PLAGL2: variants seen among roughly 807,000 people sequenced by gnomAD.
PLAGL2 encodes the protein PLAG1 like zinc finger 2.
PLAGL2 carries 7 observed loss-of-function variants against 29.0 expected under a neutral mutation model. That is an observed-to-expected ratio of 0.24 (90% CI 0.14 to 0.45). The LOEUF is 0.45. Among genes scored for constraint, PLAGL2 ranks in the 20% least tolerant of loss-of-function variants. The pLI is 0.99. For synonymous variants in PLAGL2, 234 were observed against 266.0 expected, an observed-to-expected ratio of 0.88 and a Z score of 1.17; for missense variants, 454 against 648.2, an observed-to-expected ratio of 0.70 and a Z score of 3.25.
In PLAGL2 at chr20:32,196,707, C is replaced by G; in HGVS notation, c.1236G>C (p.Val412=). Reference sequence around the variant, plus strand: ...GAAAGCCCAGTAGGTGGGAGAAGTCCACATTAGCAGCGCAGAGGGCCTCAG... The same window carrying G: ...GAAAGCCCAGTAGGTGGGAGAAGTCGACATTAGCAGCGCAGAGGGCCTCAG... ...NLSEALCAAN[V]DFSHLLGFLP... The change falls in exon 3 of 3, where the codon GTG becomes GTC. Residue 412 remains valine, a synonymous_variant. Coordinates refer to ENST00000246229, the MANE Select transcript of PLAGL2 (RefSeq NM_002657.3). The G allele has an allele frequency of 6.4e-7, 1 of 1,563,280 alleles. No individual in the cohort carries two copies. The highest frequency in any genetic ancestry group is 8.7e-7 in the Non-Finnish European group (1 of 1,154,296).
intron 1 of PLAGL2, 112 bp from the exon 2 acceptor site, chr20:32,202,404 C>CTT: frequency 1.8e-6 from 1 of 567,182 alleles, no homozygotes; most frequent in Non-Finnish European, 3.1e-6. Flanking sequence ...AGCTGTGTGA[C>CTT]TTTCAGCCAA....
chr20:32,206,365 A>T (rs1381375072), intron 1 of PLAGL2, among the ~76,000 whole-genome samples: 1 of 152,016 alleles, frequency 6.6e-6, no homozygotes, highest in Non-Finnish European at 1.5e-5. Flanking sequence ...CAGGGGTTGG[A>T]TTTACTCTCA....
In PLAGL2 at chr20:32,202,329, T is replaced by C. The variant is rs1446671003; in HGVS notation, c.-114-37A>G. ...GAACACCTGGTGTTAGGGAGCCCAA[T>C]ACCATGAGAACATGGGCTCTGGAAG... is the stretch of plus-strand genomic sequence containing the variant. On this transcript the variant is annotated intron_variant, in intron 1 of 2. Transcript: ENST00000246229. 7.2e-6 allele frequency: 5 copies of C among 693,826 alleles called. No homozygotes were observed. In the Admixed American group the frequency reaches 1.1e-4, roughly 16 times the overall value. 43.0% of individuals were successfully genotyped at this position (693,826 alleles called of 1,614,324 possible).
intron 1 of PLAGL2, among the ~76,000 whole-genome samples, chr20:32,205,370 C>T (rs543964177): frequency 5.3e-5 from 8 of 152,166 alleles, no homozygotes; most frequent in Non-Finnish European, 1.2e-4. Context: ...TAAAGAGCCC[C>T]TTACTTTACC....
rs2047206718 is a variant in PLAGL2 at position 32,192,657 on chromosome 20, T to C, written c.*3795A>G. The C allele has an allele frequency of 6.5e-6, 1 of 152,676 alleles. No homozygotes were observed. The highest frequency in any genetic ancestry group is 2.4e-5 in the African/African-American group (1 of 41,464). 9.5% of individuals were successfully genotyped at this position (152,676 alleles called of 1,614,324 possible). On this transcript the variant is annotated 3_prime_UTR_variant, in exon 3 of 3. Transcript: ENST00000246229. ...TATACTTTACAATTAAAAACCTTGTTTTATATAAAGCCAAAAATACTCCAA... is the reference window on the plus strand; with the variant it reads ...TATACTTTACAATTAAAAACCTTGTCTTATATAAAGCCAAAAATACTCCAA...
Position 32,192,549 on chromosome 20 carries a change from CCTT to C in PLAGL2, c.*3900_*3902del, listed in dbSNP as rs772567488. 17 of 152,698 alleles carry C rather than the reference CCTT, an allele frequency of 1.1e-4. No individual in the cohort carries two copies. Among genetic ancestry groups the C allele is most frequent in the Non-Finnish European group, 2.2e-4 (15 of 68,022 alleles). 9.5% of individuals were successfully genotyped at this position (152,698 alleles called of 1,614,324 possible). On this transcript the variant is annotated 3_prime_UTR_variant, in exon 3 of 3. Transcript: ENST00000246229. The stretch of plus-strand genomic sequence containing the variant: ...TTAATAAACAACTTCATTATAAAAA[CCTT>C]TTTTTGAAAATGTAATTCTGTAAAA...
rs2047238713 is a variant in PLAGL2, at chr20:32,197,891, G to A, written c.261-209C>T. On this transcript the variant is annotated intron_variant, in intron 2 of 2. Transcript: ENST00000246229. This position sits in a 1 kb window ranked among gnomAD's most constrained non-coding sequence, Gnocchi z 6.6. ...ACCGACATTCTTTGCAGCATTGCTT[G>A]TAGTAGCAAAAAAAATCAGAAACAA... 6.6e-6 allele frequency among the ~76,000 whole-genome samples: 1 copy of A among 152,152 alleles called. No individual in the cohort carries two copies. The highest frequency in any genetic ancestry group is 2.1e-4 in the South Asian group (1 of 4,832).
chr20:32,195,907 G>T lies in PLAGL2; in HGVS notation c.*545C>A, dbSNP rs762157186. On this transcript the variant is annotated 3_prime_UTR_variant, in exon 3 of 3. Transcript: ENST00000246229. ...TTGCTGGACAACACTGACTGAAAAC[G>T]GAGGTGCTGGTACAGGAGGAATGGG... is the stretch of plus-strand genomic sequence containing the variant. 6.5e-6 allele frequency: 1 copy of T among 152,744 alleles called. No individual in the cohort carries two copies. The highest frequency in any genetic ancestry group is 2.1e-4 in the South Asian group (1 of 4,830). The allele number at this position is 152,744 out of a possible 1,614,324, so 9.5% of individuals were successfully genotyped here.
chr20:32,202,154 G>A lies in PLAGL2; in HGVS notation c.25C>T (p.Pro9Ser). The A allele has an allele frequency of 6.2e-7, 1 of 1,614,150 alleles. No individual in the cohort carries two copies. Among genetic ancestry groups the A allele is most frequent in the Non-Finnish European group, 8.5e-7 (1 of 1,180,030 alleles). Reference sequence around the variant, plus strand: ...TGCTTTGCATCTTGAATCCAGGGGGGGACGCTGGTGAAAAATGTGGTCATG... The same window carrying A: ...TGCTTTGCATCTTGAATCCAGGGGGAGACGCTGGTGAAAAATGTGGTCATG... The part of the protein sequence containing the change: MTTFFTSV[P>S]PWIQDAKQEE... The change falls in exon 2 of 3, where the codon CCC (proline) becomes TCC (serine). Residue 9 changes from proline to serine, a missense_variant. Physicochemically the swap from Pro to Ser is moderately conservative, Grantham distance 74. Around this residue, in one of 4 missense-constraint regions of PLAGL2, gnomAD observed 89 missense variants for 90.4 expected, o/e 0.98. Transcript: ENST00000246229.
intron 2 of PLAGL2, among the ~76,000 whole-genome samples, chr20:32,200,857 G>C (rs976152552): frequency 1.6e-4 from 25 of 152,212 alleles, no homozygotes; most frequent in Non-Finnish European, 3.2e-4. Flanking sequence ...GCCTCCCAAA[G>C]TGCTGGGATT....
intron 1 of PLAGL2, among the ~76,000 whole-genome samples, chr20:32,207,127 C>T (rs1170895899): frequency 6.6e-6 from 1 of 152,168 alleles, no homozygotes. Flanking sequence ...TATTCGACTT[C>T]TCCAGACCCA....
intron 1 of PLAGL2, among the ~76,000 whole-genome samples, chr20:32,202,851 G>A (rs1007563587): frequency 2.6e-5 from 4 of 152,224 alleles, no homozygotes; most frequent in Non-Finnish European, 5.9e-5. Context: ...GGTACCAGAT[G>A]TGTTTCTTAG....
chr20:32,203,366 G>A (rs1393795211), intron 1 of PLAGL2, among the ~76,000 whole-genome samples: 1 of 152,180 alleles, frequency 6.6e-6, no homozygotes, highest in Non-Finnish European at 1.5e-5. Flanking sequence ...AAGGGGAGAT[G>A]TGCAAGAACG....
At position 32,196,937 on chromosome 20, in the gene PLAGL2, C is replaced by A; in HGVS notation, c.1006G>T (p.Ala336Ser). The A allele has an allele frequency of 6.2e-7, 1 of 1,614,198 alleles. No individual in the cohort carries two copies. The highest frequency in any genetic ancestry group is 2.2e-5 in the East Asian group (1 of 44,880). ...AGCTGGTATTTTGGAGGGAGCTGAG[C>A]TGGGGAAGAGATAGGTGAGGATTCC... is the stretch of plus-strand genomic sequence containing the variant. ...PLESSPISSP[A>S]QLPPKYQLGS... The change falls in exon 3 of 3, where the codon GCT becomes TCT. Residue 336 changes from alanine to serine, a missense_variant. Physicochemically the swap from Ala to Ser is moderately conservative, Grantham distance 99 (BLOSUM62 1). Transcript: ENST00000246229.
intron 2 of PLAGL2, 77 bp downstream of exon 2, chr20:32,201,842 C>T: frequency 7.7e-7 from 1 of 1,299,436 alleles, no homozygotes; most frequent in Non-Finnish European, 1.1e-6. Context: ...AGATTAAAAA[C>T]CCACACTAGG....
chr20:32,203,265 G>C (rs1024225501), intron 1 of PLAGL2, among the ~76,000 whole-genome samples: 3 of 152,194 alleles, frequency 2.0e-5, no homozygotes, highest in African/African-American at 7.2e-5. Flanking sequence ...ACCAACCTAG[G>C]CCCAGGTAGT....
chr20:32,205,490 A>G (rs886847164), intron 1 of PLAGL2, among the ~76,000 whole-genome samples: 3 of 152,194 alleles, frequency 2.0e-5, no homozygotes, highest in African/African-American at 7.2e-5. Flanking sequence ...AATGCTTGCT[A>G]AAAACTCTGT....
chr20:32,198,470 GTC>G (rs1442081372), intron 2 of PLAGL2, among the ~76,000 whole-genome samples: 1 of 152,076 alleles, frequency 6.6e-6, no homozygotes, highest in African/African-American at 2.4e-5. Context: ...GCGAGACCTT[GTC>G]TCTACAAAAT....
Position 32,195,474 on chromosome 20 carries a change from A to G in PLAGL2, c.*978T>C, listed in dbSNP as rs2047222909. The G allele has an allele frequency of 6.6e-6, 1 of 152,646 alleles. No homozygotes were observed. Among genetic ancestry groups the G allele is most frequent in the South Asian group, 2.1e-4 (1 of 4,834 alleles). The allele number at this position is 152,646 out of a possible 1,614,324, so 9.5% of individuals were successfully genotyped here. The stretch of plus-strand genomic sequence containing the variant: ...CATTTCTTCCCCTCTCCAGTTCAAG[A>G]GAAGGATGAGGGGGTCATAATGTAC... On this transcript the variant is annotated 3_prime_UTR_variant, in exon 3 of 3. Coordinates refer to ENST00000246229, the MANE Select transcript of PLAGL2 (RefSeq NM_002657.3).
Sources: gnomAD v4.1 joint callset for allele counts (sites outside exome capture counted in the v4.1 genomes callset) on GRCh38, gnomAD v4.1.1 for gene constraint, gnomAD v4.1.1 regional missense constraint, Gnocchi (gnomAD v3.1) non-coding constraint, MANE v1.5 for transcripts, NCBI Gene and HGNC (gene_info 2026-07-23, HGNC 2026-07-21) for gene names.